The following STEAP2 variants were observed in gnomAD, a reference collection of about 807,000 sequenced individuals.
STEAP2 encodes the protein STEAP2 metalloreductase, also known as metalloreductase STEAP2.
A neutral mutation model predicts 46.4 loss-of-function variants in STEAP2; 30 were observed. The observed-to-expected ratio is 0.65, with a 90% confidence interval of 0.48 to 0.88. STEAP2 has a LOEUF of 0.88. Ranked by LOEUF, STEAP2 falls within the 40% of genes least tolerant of loss-of-function variation. The probability of loss-of-function intolerance (pLI) is 0.00; values close to 1 mark genes in which losing one functional copy is unlikely to be tolerated. For synonymous variants in STEAP2, 180 were observed against 200.5 expected (o/e 0.90, Z 0.86); for missense variants, 513 against 579.3 (o/e 0.89, Z 1.18).
intron 5 of STEAP2, 92 bp downstream of exon 5, chr7:90,230,128 G>T (rs1795678225): frequency 6.5e-7 from 1 of 1,540,512 alleles, no homozygotes; most frequent in Admixed American, 2.0e-5. Context: ...TATTAAAAGG[G>T]TGCCTTTGAG....
chr7:90,216,044 A>G (rs194510), intron 1 of STEAP2: 136,245 of 152,246 alleles, frequency 0.89, 61,201 homozygotes, highest in East Asian at 1. Context: ...CAAAGTGCTG[A>G]GATTACAGAC....
chr7:90,240,089 T>C (rs148054381), downstream of STEAP2, among the ~76,000 whole-genome samples: 23 of 152,162 alleles, frequency 1.5e-4, 1 homozygote, highest in East Asian at 4.5e-3. The surrounding 1 kb of genome is among the most constrained non-coding windows in gnomAD (Gnocchi z 4.1). Context: ...CTGGGCAATA[T>C]GGTGAAACCC....
rs761173735 is a variant in STEAP2, at chr7:90,236,858, TAAGGAA to T, written c.*4236_*4241del. ...TGTATGATCTCCAAATTGCCAACTTTAAGGAAATATTCTCTTGAAATTGTCTTTAAA... is the reference window on the plus strand; with the variant it reads ...TGTATGATCTCCAAATTGCCAACTTTATATTCTCTTGAAATTGTCTTTAAA... On this transcript the variant is annotated 3_prime_UTR_variant, in exon 6 of 6. Coordinates refer to ENST00000394621, the MANE Select transcript of STEAP2 (RefSeq NM_001244944.2). 4.3e-6 allele frequency: 7 copies of T among 1,611,628 alleles called. No individual in the cohort carries two copies. In the African/African-American group the frequency reaches 9.4e-5, roughly 22 times the overall value.
intron 1 of STEAP2, chr7:90,215,134 C>G (rs1473500764): frequency 6.6e-6 from 1 of 152,322 alleles, no homozygotes; most frequent in African/African-American, 2.4e-5. Flanking sequence ...GCAGGAGAGA[C>G]AATGAAGAAG....
chr7:90,228,543 C>T (rs1795599072), intron 4 of STEAP2, among the ~76,000 whole-genome samples: 1 of 152,122 alleles, frequency 6.6e-6, no homozygotes, highest in South Asian at 2.1e-4. Flanking sequence ...GCCGCTGCCT[C>T]TGCCCCAACC....
intron 5 of STEAP2, among the ~76,000 whole-genome samples, chr7:90,231,574 T>C (rs925458879): frequency 6.6e-6 from 1 of 151,448 alleles, no homozygotes; most frequent in Non-Finnish European, 1.5e-5. Flanking sequence ...TACAGGCACT[T>C]GTAACACAAT....
At position 90,227,255 on chromosome 7, in the gene STEAP2, A is replaced by G; in HGVS notation, c.777A>G (p.Leu259=). Residue 259 remains leucine, a synonymous_variant, in exon 4 of 6, where the codon TTA becomes TTG. Coordinates refer to ENST00000394621, the MANE Select transcript of STEAP2 (RefSeq NM_001244944.2). ...KIPIEIVNKT[L]PIVAITLLSL... ...CTATAGAGATTGTGAATAAAACCTT[A>G]CCTATAGTTGCCATTACTTTGCTCT... is the stretch of plus-strand genomic sequence containing the variant. 2 of 1,613,924 alleles carry G rather than the reference A, an allele frequency of 1.2e-6. No individual in the cohort carries two copies. Among genetic ancestry groups the G allele is most frequent in the Non-Finnish European group, 1.7e-6 (2 of 1,179,890 alleles).
chr7:90,234,286 C>T lies in STEAP2; in HGVS notation c.*1662C>T, dbSNP rs897356554. 1 of 985,200 alleles carries T rather than the reference C, an allele frequency of 1.0e-6. No homozygotes were observed. The highest frequency in any genetic ancestry group is 1.2e-6 in the Non-Finnish European group (1 of 829,912). The allele number at this position is 985,200 out of a possible 1,614,324, so 61.0% of individuals were successfully genotyped here. ...GTAGAATGCCCTACATTCCCCCCAC[C>T]CCAATTTGCTATTTCCTTATTAAAA... On this transcript the variant is annotated 3_prime_UTR_variant, in exon 6 of 6. Transcript: ENST00000394621.
chr7:90,216,999 T>C (rs1795050779), intron 2 of STEAP2, among the ~76,000 whole-genome samples: 1 of 152,194 alleles, frequency 6.6e-6, no homozygotes, highest in African/African-American at 2.4e-5. Flanking sequence ...AGTGGGACTT[T>C]CCCTCACTAC....
intron 5 of STEAP2, among the ~76,000 whole-genome samples, 153 bp downstream of exon 5, chr7:90,230,189 C>G (rs1276348363): frequency 1.3e-5 from 2 of 151,850 alleles, no homozygotes; most frequent in African/African-American, 2.4e-5. Flanking sequence ...CTTAGGATTG[C>G]TCTGGTTAAA....
chr7:90,229,755 G>A (rs553317537), intron 4 of STEAP2, 117 bp from the exon 5 acceptor site: 1 of 1,451,074 alleles, frequency 6.9e-7, no homozygotes, highest in East Asian at 2.4e-5. Context: ...GACTAAATTA[G>A]TACAACTTAA....
chr7:90,218,457 A>G (rs951818790), intron 2 of STEAP2, among the ~76,000 whole-genome samples: 2 of 152,146 alleles, frequency 1.3e-5, no homozygotes, highest in Admixed American at 6.5e-5. Context: ...GGTGAGGGAC[A>G]GGGGTCCAGT....
chr7:90,225,375 A>G lies in STEAP2; in HGVS notation c.293A>G (p.Tyr98Cys). The change falls in exon 3 of 6, where the codon TAT becomes TGT. Residue 98 changes from tyrosine (Y) to cysteine (C), a missense_variant. Coordinates refer to ENST00000394621, the MANE Select transcript of STEAP2 (RefSeq NM_001244944.2). Reference sequence around the variant, plus strand: ...TTTGTTGCTATACACAGAGAACATTATACCTCCCTGTGGGACCTGAGACAT... The same window carrying G: ...TTTGTTGCTATACACAGAGAACATTGTACCTCCCTGTGGGACCTGAGACAT... ...IIFVAIHREH[Y>C]TSLWDLRHLL... is the part of the protein sequence containing the mutation. 6.2e-7 allele frequency: 1 copy of G among 1,613,924 alleles called. No homozygotes were observed. The highest frequency in any genetic ancestry group is 8.5e-7 in the Non-Finnish European group (1 of 1,179,940).
chr7:90,231,315 G>A (rs1438686242), intron 5 of STEAP2, among the ~76,000 whole-genome samples: 1 of 151,568 alleles, frequency 6.6e-6, no homozygotes, highest in Non-Finnish European at 1.5e-5. Flanking sequence ...ATGTGTGTGT[G>A]CCCATGAGGA....
At position 90,225,091 on chromosome 7, in the gene STEAP2, A is replaced by G. The variant is rs1289886571; in HGVS notation, c.9A>G (p.Ser3=). 6 of 1,612,878 alleles carry G rather than the reference A, an allele frequency of 3.7e-6. No homozygotes were observed. Among genetic ancestry groups the G allele is most frequent in the Non-Finnish European group, 5.1e-6 (6 of 1,179,526 alleles). Residue 3 remains serine, a synonymous_variant, in exon 3 of 6, where the codon TCA becomes TCG. Coordinates refer to ENST00000394621, the MANE Select transcript of STEAP2 (RefSeq NM_001244944.2). ...TTGGAAGTGTCCGTATCATGGAATC[A>G]ATCTCTATGATGGGAAGCCCTAAGA... ME[S]ISMMGSPKSL... is the part of the protein sequence containing the mutation.
intron 1 of STEAP2, chr7:90,213,687 G>A (rs928370960): frequency 2.0e-5 from 3 of 152,212 alleles, no homozygotes; most frequent in Non-Finnish European, 2.9e-5. Flanking sequence ...CAATGTGGAG[G>A]CAGTGATCAC....
At chr7:90,226,091 A>G (rs192049509) in intron 3 of STEAP2, among the ~76,000 whole-genome samples, 238 of 152,278 alleles carry the variant, frequency 1.6e-3, no homozygotes, top group African/African-American at 5.4e-3. Flanking sequence ...TCTACAGGCT[A>G]TTTCTGAATC....
At chr7:90,217,783 C>T (rs1448134084) in intron 2 of STEAP2, among the ~76,000 whole-genome samples, 8 of 150,978 alleles carry the variant, frequency 5.3e-5, no homozygotes, top group African/African-American at 9.7e-5. Flanking sequence ...AGATAATACC[C>T]GGTAGTGAGA....
chr7:90,230,131 C>T (rs542256489), intron 5 of STEAP2, 95 bp downstream of exon 5: 5 of 1,535,878 alleles, frequency 3.3e-6, no homozygotes, highest in African/African-American at 2.8e-5. Flanking sequence ...TAAAAGGGTG[C>T]CTTTGAGGCT....
Sources: gnomAD v4.1 joint callset for allele counts (sites outside exome capture counted in the v4.1 genomes callset) on GRCh38, gnomAD v4.1.1 for gene constraint, Gnocchi (gnomAD v3.1) non-coding constraint, MANE v1.5 for transcripts, NCBI Gene and HGNC (gene_info 2026-07-23, HGNC 2026-07-21) for gene names.